The following ITGA9 variants were observed in gnomAD, a reference collection of about 807,000 sequenced individuals.
The protein encoded by ITGA9 is integrin subunit alpha 9, also known as integrin alpha-9.
In ITGA9, 56 loss-of-function variants were observed where a neutral mutation model predicts 127.8. The ratio of observed to expected loss-of-function variants is 0.44; its 90% confidence interval spans 0.35 to 0.55. The LOEUF (loss-of-function observed/expected upper bound fraction) is 0.55. Ranked by LOEUF, ITGA9 falls within the 20% of genes least tolerant of loss-of-function variation. ITGA9 has a pLI of 0.00. For synonymous variants in ITGA9, 508 were observed against 514.5 expected (o/e 0.99, Z 0.17); for missense variants, 1,196 against 1,347.1 (o/e 0.89, Z 1.76).
chr3:37,645,340 G>A (rs755049213), intron 16 of ITGA9, among the ~76,000 whole-genome samples: 33 of 152,126 alleles, frequency 2.2e-4, no homozygotes, highest in South Asian at 6.2e-4. Context: ...AGGCTGAGAC[G>A]GGCAGATCAC....
At chr3:37,749,188 G>T (rs1187740208) in intron 22 of ITGA9, 1 of 192,390 alleles carries the variant, frequency 5.2e-6, no homozygotes, top group Non-Finnish European at 1.1e-5. Flanking sequence ...GCCTCTAAGG[G>T]CTGCCTGCAT....
chr3:37,602,279 A>G (rs1339058113), intron 15 of ITGA9, among the ~76,000 whole-genome samples: 1 of 149,210 alleles, frequency 6.7e-6, no homozygotes, highest in Non-Finnish European at 1.5e-5. Context: ...AAACAAAACA[A>G]AAAAAAAATG....
intron 15 of ITGA9, among the ~76,000 whole-genome samples, chr3:37,547,568 A>G (rs1242268988): frequency 6.6e-6 from 1 of 152,150 alleles, no homozygotes; most frequent in East Asian, 1.9e-4. Flanking sequence ...TTCTTGTTTA[A>G]GAAACAGATA....
chr3:37,621,206 C>T (rs950092505), intron 15 of ITGA9, among the ~76,000 whole-genome samples: 1 of 152,166 alleles, frequency 6.6e-6, no homozygotes, highest in African/African-American at 2.4e-5. Context: ...TAAGATGTGC[C>T]TTTTGCCTTC....
chr3:37,758,956 A>G (rs942199592), intron 23 of ITGA9, among the ~76,000 whole-genome samples: 8 of 152,036 alleles, frequency 5.3e-5, no homozygotes, highest in African/African-American at 1.7e-4. Context: ...CAAGATGTTT[A>G]CATACAGCCT....
At position 37,503,330 on chromosome 3, in the gene ITGA9, G is replaced by A. The variant is rs778830925; in HGVS notation, c.742+23G>A. 4 of 1,612,924 alleles carry A rather than the reference G, an allele frequency of 2.5e-6. No individual in the cohort carries two copies. The South Asian group carries it at 3.3e-5, about 13-fold the overall frequency. On this transcript the variant is annotated intron_variant, in intron 6 of 27. Transcript: ENST00000264741. ...TGGGTGAGTACTCAGGGAGAGAACAGGTAAGAAAGGGGAAATGGGAGTGAT... is the reference window on the plus strand; with the variant it reads ...TGGGTGAGTACTCAGGGAGAGAACAAGTAAGAAAGGGGAAATGGGAGTGAT...
At chr3:37,611,432 G>A (rs188272589) in intron 15 of ITGA9, among the ~76,000 whole-genome samples, 1 of 152,130 alleles carries the variant, frequency 6.6e-6, no homozygotes, top group Admixed American at 6.6e-5. Context: ...CCAATATGGT[G>A]GCCATTAGTG....
At chr3:37,647,399 A>G (rs1700387465) in intron 16 of ITGA9, among the ~76,000 whole-genome samples, 1 of 151,676 alleles carries the variant, frequency 6.6e-6, no homozygotes, top group South Asian at 2.1e-4. Flanking sequence ...GTACATTTAC[A>G]TAGTGAAATG....
At chr3:37,641,752 G>A (rs1415033723) in intron 16 of ITGA9, among the ~76,000 whole-genome samples, 4 of 152,148 alleles carry the variant, frequency 2.6e-5, no homozygotes. Context: ...CCCGCATACT[G>A]CATTCCCACC....
chr3:37,519,141 C>A, intron 10 of ITGA9, 119 bp from the exon 11 acceptor site: 5 of 675,780 alleles, frequency 7.4e-6, no homozygotes, highest in Non-Finnish European at 1.3e-5. Context: ...AATGCTTGAA[C>A]AATCAACAAC....
At chr3:37,499,267 C>G (rs1460322572) in intron 5 of ITGA9, among the ~76,000 whole-genome samples, 1 of 152,234 alleles carries the variant, frequency 6.6e-6, no homozygotes, top group African/African-American at 2.4e-5. Context: ...CCTAGAGGCA[C>G]TTGGGTGGGA....
intron 15 of ITGA9, among the ~76,000 whole-genome samples, chr3:37,552,711 C>A (rs911978536): frequency 1.3e-4 from 20 of 152,136 alleles, no homozygotes; most frequent in Non-Finnish European, 2.9e-5. Flanking sequence ...ACACGTTTTT[C>A]GCATAAAACA....
intron 17 of ITGA9, among the ~76,000 whole-genome samples, chr3:37,671,163 C>T (rs1352232094): frequency 6.6e-6 from 1 of 152,244 alleles, no homozygotes; most frequent in Non-Finnish European, 1.5e-5. Flanking sequence ...TATTCTTTGT[C>T]TTTAATCCAG....
intron 26 of ITGA9, among the ~76,000 whole-genome samples, chr3:37,800,122 T>G (rs1367794821): frequency 6.6e-6 from 1 of 152,172 alleles, no homozygotes; most frequent in Non-Finnish European, 1.5e-5. Context: ...GGCATTCTTG[T>G]GGAACTTGAC....
At chr3:37,792,097 T>A (rs1380285153) in intron 26 of ITGA9, among the ~76,000 whole-genome samples, 1 of 152,112 alleles carries the variant, frequency 6.6e-6, no homozygotes, top group Non-Finnish European at 1.5e-5. Context: ...TGGTGAGTAG[T>A]TCTTTCTCTT....
intron 1 of ITGA9, among the ~76,000 whole-genome samples, chr3:37,456,931 G>T (rs1698265417): frequency 6.6e-6 from 1 of 152,194 alleles, no homozygotes; most frequent in South Asian, 2.1e-4. Context: ...CAAGTACTCA[G>T]TAGCCACATG....
chr3:37,817,369 CTGTT>C (rs1426736975), intron 27 of ITGA9, among the ~76,000 whole-genome samples: 1 of 152,178 alleles, frequency 6.6e-6, no homozygotes, highest in Non-Finnish European at 1.5e-5. Context: ...GTGTGTGTCT[CTGTT>C]TGATTTCCTC....
chr3:37,746,920 C>G (rs1319256256), intron 22 of ITGA9, among the ~76,000 whole-genome samples: 4 of 152,116 alleles, frequency 2.6e-5, no homozygotes, highest in Non-Finnish European at 5.9e-5. Flanking sequence ...TGTGTGAAGA[C>G]CTGGTAAGAT....
intron 11 of ITGA9, among the ~76,000 whole-genome samples, chr3:37,520,763 C>T (rs72867574): frequency 1.6e-4 from 25 of 152,264 alleles, no homozygotes; most frequent in African/African-American, 5.8e-4. Flanking sequence ...CCCTAGGCTG[C>T]GGCAGGGATG....
Sources: gnomAD v4.1 joint callset for allele counts (sites outside exome capture counted in the v4.1 genomes callset) on GRCh38, gnomAD v4.1.1 for gene constraint, MANE v1.5 for transcripts, NCBI Gene and HGNC (gene_info 2026-07-23, HGNC 2026-07-21) for gene names.